The following MARK1 variants were observed in gnomAD, a reference collection of about 807,000 sequenced individuals.
MARK1 encodes the protein microtubule affinity regulating kinase 1.
A neutral mutation model predicts 96.3 loss-of-function variants in MARK1; 40 were observed. The observed-to-expected ratio is 0.42, with a 90% CI of 0.32 to 0.54. The LOEUF (loss-of-function observed/expected upper bound fraction) is 0.54, where lower values mean the gene tolerates loss of function less well. Ranked by LOEUF, MARK1 falls within the 20% of genes least tolerant of loss-of-function variation. The probability of loss-of-function intolerance (pLI) is 0.16; values close to 1 mark genes in which losing one functional copy is unlikely to be tolerated. For synonymous variants in MARK1, 317 were observed against 341.2 expected, an observed-to-expected ratio of 0.93 and a Z score of 0.78; for missense variants, 719 against 984.6, an observed-to-expected ratio of 0.73 and a Z score of 3.61.
chr1:220,626,394 G>C, intron 9 of MARK1: 1 of 548,714 alleles, frequency 1.8e-6, no homozygotes. Flanking sequence ...GCAAAGGCAA[G>C]TATTATGCTG....
intron 9 of MARK1, among the ~76,000 whole-genome samples, chr1:220,623,574 A>G (rs1004041940): frequency 1.3e-5 from 2 of 152,274 alleles, no homozygotes; most frequent in Middle Eastern, 3.4e-3. Flanking sequence ...TGGCTAGAAT[A>G]ATAATAATAA....
intron 13 of MARK1, among the ~76,000 whole-genome samples, chr1:220,636,849 G>A (rs1012491405): frequency 4.0e-5 from 6 of 151,340 alleles, no homozygotes; most frequent in Non-Finnish European, 8.8e-5. Flanking sequence ...CTTGCAGTGA[G>A]CTGAGATTGC....
intron 9 of MARK1, chr1:220,626,502 C>A: frequency 1.9e-6 from 1 of 529,186 alleles, no homozygotes; most frequent in Admixed American, 1.9e-5. Flanking sequence ...TATCTGGGGA[C>A]TGGTTAGGTT....
intron 1 of MARK1, among the ~76,000 whole-genome samples, chr1:220,529,738 G>T (rs1363968401): frequency 6.6e-6 from 1 of 152,164 alleles, no homozygotes; most frequent in African/African-American, 2.4e-5. Context: ...AAAACGAAAA[G>T]AACAAGATCC....
chr1:220,626,717 G>A lies in MARK1; in HGVS notation c.910-4318G>A, dbSNP rs564672287. On this transcript the variant is annotated intron_variant, in intron 9 of 17. Transcript: ENST00000366917. ...CACTTCTGTAATCCCAGCTATTCGG[G>A]AGGCTGAGTCATGAGAATCGCTTGC... is the stretch of plus-strand genomic sequence containing the variant. The A allele has an allele frequency of 4.5e-5, 15 of 335,702 alleles. No individual in the cohort carries two copies. The East Asian group carries it at 1.1e-3, about 24-fold the overall frequency. The allele number at this position is 335,702 out of a possible 1,614,324, so 20.8% of individuals were successfully genotyped here. A position where few individuals can be genotyped will look rare whatever the true frequency, so the allele number is the denominator to read the frequency against.
chr1:220,635,310 A>C, intron 11 of MARK1, 66 bp from the exon 12 acceptor site: 1 of 1,396,636 alleles, frequency 7.2e-7, no homozygotes, highest in South Asian at 1.4e-5. Context: ...TCAAGAGTGC[A>C]GTGTTTGTGC....
At chr1:220,546,861 A>G (rs1265204538) in intron 1 of MARK1, among the ~76,000 whole-genome samples, 7 of 151,828 alleles carry the variant, frequency 4.6e-5, no homozygotes, top group Admixed American at 4.6e-4. Context: ...AGTCCCAGCT[A>G]CTCGGGAGGC....
At chr1:220,640,090 A>G (rs1668187437) in intron 13 of MARK1, among the ~76,000 whole-genome samples, 1 of 152,246 alleles carries the variant, frequency 6.6e-6, no homozygotes, top group Non-Finnish European at 1.5e-5. Flanking sequence ...GGTAATTTTT[A>G]GAAAGTACTT....
At chr1:220,601,409 A>C (rs1420319184) in intron 5 of MARK1, among the ~76,000 whole-genome samples, 1 of 152,058 alleles carries the variant, frequency 6.6e-6, no homozygotes, top group Non-Finnish European at 1.5e-5. Context: ...GGATTTTAAA[A>C]ATTGTATTAA....
At chr1:220,622,188 C>T (rs908865217) in intron 9 of MARK1, among the ~76,000 whole-genome samples, 1 of 151,950 alleles carries the variant, frequency 6.6e-6, no homozygotes, top group Non-Finnish European at 1.5e-5. Flanking sequence ...ATTAGTATGT[C>T]TAGATTTTTT....
At chr1:220,592,706 A>G (rs1017449799) in intron 3 of MARK1, among the ~76,000 whole-genome samples, 28 of 152,218 alleles carry the variant, frequency 1.8e-4, no homozygotes, top group Non-Finnish European at 3.4e-4. Flanking sequence ...GGTAACTGCA[A>G]CTGGCAAACA....
chr1:220,631,196 T>C, intron 10 of MARK1, 62 bp downstream of exon 10: 1 of 1,093,328 alleles, frequency 9.1e-7, no homozygotes, highest in Non-Finnish European at 1.4e-6. Flanking sequence ...TCCTTTAGTG[T>C]GCCAAAATAG....
In MARK1 at chr1:220,528,185, TG is replaced by T. The variant is rs1482731054; in HGVS notation, c.-637del. 1 of 150,358 alleles carries T rather than the reference TG, an allele frequency of 6.7e-6. No individual in the cohort carries two copies. Among genetic ancestry groups the T allele is most frequent in the Non-Finnish European group, 1.5e-5 (1 of 67,428 alleles). The allele number at this position is 150,358 out of a possible 1,614,324, so 9.3% of individuals were successfully genotyped here. On this transcript the variant is annotated 5_prime_UTR_variant, in exon 1 of 18. Transcript: ENST00000366917. ...TCTGGGCGCTGCGTGCCGCGCCCGC[TG>T]CTCCGCGCGCAGCCGGCTCGGGCCG... is the stretch of plus-strand genomic sequence containing the variant.
chr1:220,572,483 T>C (rs889938042), intron 1 of MARK1, among the ~76,000 whole-genome samples: 3 of 152,234 alleles, frequency 2.0e-5, no homozygotes, highest in African/African-American at 7.2e-5. Flanking sequence ...CCTCAGGTGA[T>C]CTGCCCTCCT....
chr1:220,546,189 C>T (rs1180393084), intron 1 of MARK1, among the ~76,000 whole-genome samples: 1 of 152,204 alleles, frequency 6.6e-6, no homozygotes, highest in African/African-American at 2.4e-5. Context: ...TCTCTCTTCC[C>T]TATGGTAATA....
In MARK1 at chr1:220,618,642, C is replaced by A; in HGVS notation, c.796C>A (p.Arg266=). The A allele has an allele frequency of 6.2e-7, 1 of 1,613,558 alleles. No homozygotes were observed. Among genetic ancestry groups the A allele is most frequent in the Non-Finnish European group, 8.5e-7 (1 of 1,179,852 alleles). The change falls in exon 9 of 18, where the codon CGA becomes AGA. Residue 266 remains arginine (R), a synonymous_variant. Transcript: ENST00000366917. The surrounding 1 kb of genome is among the most constrained non-coding windows in gnomAD (Gnocchi z 4.6). ...PFDGQNLKEL[R]ERVLRGKYRI... is the part of the protein sequence containing the mutation. The stretch of plus-strand genomic sequence containing the variant: ...TTCTTTCACTTTTATTAAGGAACTG[C>A]GAGAGCGAGTTTTACGAGGGAAGTA...
intron 11 of MARK1, among the ~76,000 whole-genome samples, chr1:220,633,457 A>T (rs1667781016): frequency 6.6e-6 from 1 of 152,226 alleles, no homozygotes; most frequent in Non-Finnish European, 1.5e-5. Context: ...ATTCCAGCTG[A>T]CATATATTGA....
intron 9 of MARK1, chr1:220,626,827 A>C: frequency 2.6e-6 from 1 of 381,508 alleles, no homozygotes; most frequent in Non-Finnish European, 5.1e-6. Context: ...CTCAAAAAAA[A>C]AAAAAAAGGG....
At chr1:220,597,323 G>A (rs148919659) in intron 3 of MARK1, among the ~76,000 whole-genome samples, 2 of 152,054 alleles carry the variant, frequency 1.3e-5, no homozygotes, top group Non-Finnish European at 2.9e-5. Flanking sequence ...TTTATCGTTT[G>A]TCATTCCCAT....
Sources: allele counts gnomAD v4.1 joint callset (sites outside exome capture counted in the v4.1 genomes callset), GRCh38; gene constraint gnomAD v4.1.1; non-coding constraint Gnocchi (gnomAD v3.1); transcripts MANE v1.5; gene names NCBI Gene and HGNC (gene_info 2026-07-23, HGNC 2026-07-21).